The following ZNF202 variants were observed in gnomAD, a reference collection of about 807,000 sequenced individuals.
The protein encoded by ZNF202 is zinc finger protein with KRAB and SCAN domains 10.
ZNF202 carries 22 observed loss-of-function variants against 54.5 expected under a neutral mutation model. The ratio of observed to expected loss-of-function variants is 0.40; its 90% CI spans 0.29 to 0.58. The LOEUF (loss-of-function observed/expected upper bound fraction) is 0.58. Ranked by LOEUF, ZNF202 falls within the 20% of genes least tolerant of loss-of-function variation. ZNF202 has a pLI of 0.39. For missense variants in ZNF202, 644 were observed against 805.5 expected (o/e 0.80, Z 2.43); for synonymous variants, 294 against 301.4 (o/e 0.98, Z 0.26).
chr11:123,738,774 T>C (rs751621769), intron 3 of ZNF202: 3 of 152,260 alleles, frequency 2.0e-5, no homozygotes, highest in Non-Finnish European at 4.4e-5. Flanking sequence ...CCTGTGTGGA[T>C]ACTCCCTGTT....
At chr11:123,727,358 C>A in intron 8 of ZNF202, 118 bp downstream of exon 8, 2 of 1,381,444 alleles carry the variant, frequency 1.4e-6, no homozygotes, top group Non-Finnish European at 2.0e-6. Context: ...AGGGAGAAAG[C>A]AGTACTGGCT....
intron 3 of ZNF202, among the ~76,000 whole-genome samples, chr11:123,735,947 C>G (rs780345449): frequency 5.9e-5 from 9 of 152,102 alleles, no homozygotes; most frequent in Non-Finnish European, 8.8e-5. Context: ...AGAGAGAATA[C>G]AATAGAGAGA....
chr11:123,728,883 AAATAATCCCATTTTGTT>A lies in ZNF202; in HGVS notation c.702+226_702+242del, dbSNP rs1487077740. 3.3e-5 allele frequency among the ~76,000 whole-genome samples: 5 copies of A among 152,318 alleles called. No homozygotes were observed. In the East Asian group the frequency reaches 7.7e-4, roughly 24 times the overall value. On this transcript the variant is annotated intron_variant, in intron 6 of 8. Transcript: ENST00000530393. ...TTCGCAGTTGTACTGGAGTGTTACA[AAATAATCCCATTTTGTT>A]AGTTCTTCTAGTCAATGGCAAATAA...
Position 123,725,202 on chromosome 11 carries a change from A to G in ZNF202, c.*795T>C, listed in dbSNP as rs1171592197. The G allele has an allele frequency of 6.6e-6, 1 of 152,260 alleles. No individual in the cohort carries two copies. The highest frequency in any genetic ancestry group is 1.5e-5 in the Non-Finnish European group (1 of 68,048). 9.4% of individuals were successfully genotyped at this position (152,260 alleles called of 1,614,324 possible). ...AGTAGAAGTGCTAGGGATGCAACCAAGAGACTGGTTGAATAACGGGAAGGT... is the reference window on the plus strand; with the variant it reads ...AGTAGAAGTGCTAGGGATGCAACCAGGAGACTGGTTGAATAACGGGAAGGT... On this transcript the variant is annotated 3_prime_UTR_variant, in exon 9 of 9. Transcript: ENST00000530393.
rs1193835568 is a variant in ZNF202 at position 123,725,023 on chromosome 11, T to G, written c.*974A>C. Reference sequence around the variant, plus strand: ...GTAATTGTTATAGTGCCTTTGTAAGTTGACAGTTTCCAAATCCCCTTACTC... The same window carrying G: ...GTAATTGTTATAGTGCCTTTGTAAGGTGACAGTTTCCAAATCCCCTTACTC... On this transcript the variant is annotated 3_prime_UTR_variant, in exon 9 of 9. Coordinates refer to ENST00000530393, the MANE Select transcript of ZNF202 (RefSeq NM_003455.4). 6.6e-6 allele frequency: 1 copy of G among 152,238 alleles called. No individual in the cohort carries two copies. The highest frequency in any genetic ancestry group is 2.1e-4 in the South Asian group (1 of 4,830). The allele number at this position is 152,238 out of a possible 1,614,324, so 9.4% of individuals were successfully genotyped here.
Position 123,729,229 on chromosome 11 carries a change from A to T in ZNF202, c.614-15T>A. 1 of 1,610,846 alleles carries T rather than the reference A, an allele frequency of 6.2e-7. No individual in the cohort carries two copies. Among genetic ancestry groups the T allele is most frequent in the Non-Finnish European group, 8.5e-7 (1 of 1,179,382 alleles). ...CACTGGGACCTCTATGAAGAAAAGA[A>T]GGCAAAGATCAGTAATATGCAGCAT... On this transcript the variant is annotated splice_polypyrimidine_tract_variant and intron_variant, in intron 5 of 8. Transcript: ENST00000530393.
rs1861064583 is a variant in ZNF202 at position 123,725,006 on chromosome 11, T to C, written c.*991A>G. Reference sequence around the variant, plus strand: ...ATGGCAATCATGATTCTGTAATTGTTATAGTGCCTTTGTAAGTTGACAGTT... The same window carrying C: ...ATGGCAATCATGATTCTGTAATTGTCATAGTGCCTTTGTAAGTTGACAGTT... On this transcript the variant is annotated 3_prime_UTR_variant, in exon 9 of 9. Transcript: ENST00000530393. 6.6e-6 allele frequency: 1 copy of C among 152,232 alleles called. No individual in the cohort carries two copies. The allele number at this position is 152,232 out of a possible 1,614,324, so 9.4% of individuals were successfully genotyped here. A position where few individuals can be genotyped will look rare whatever the true frequency, so the allele number is the denominator to read the frequency against.
At chr11:123,739,101 GCTTT>G (rs529052026) in intron 3 of ZNF202, among the ~76,000 whole-genome samples, 27 of 152,050 alleles carry the variant, frequency 1.8e-4, no homozygotes, top group Non-Finnish European at 2.5e-4. Context: ...TTGAGTTTAA[GCTTT>G]CTATTTCTCC....
Position 123,729,714 on chromosome 11 carries a change from C to T in ZNF202, c.514G>A (p.Glu172Lys), listed in dbSNP as rs148968078. Reference sequence around the variant, plus strand: ...TGTGTGGTTTCCTCAGGAGACTGCTCGGGGGTCGAGCTTTGCACAGGATCC... The same window carrying T: ...TGTGTGGTTTCCTCAGGAGACTGCTTGGGGGTCGAGCTTTGCACAGGATCC... ...LQDPVQSSTPEQSPEETTQSP... is the reference protein window; with the variant it reads ...LQDPVQSSTPKQSPEETTQSP... The change falls in exon 5 of 9, where the codon GAG becomes AAG. Residue 172 changes from glutamate to lysine, a missense_variant. Around this residue, in one of 3 missense-constraint regions of ZNF202, gnomAD observed 536 missense variants for 635.3 expected, o/e 0.84. Coordinates refer to ENST00000530393, the MANE Select transcript of ZNF202 (RefSeq NM_003455.4). The T allele has an allele frequency of 3.9e-5, 63 of 1,613,832 alleles. No homozygotes were observed. Among genetic ancestry groups the T allele is most frequent in the South Asian group, 2.7e-4 (25 of 90,984 alleles).
intron 8 of ZNF202, 114 bp from the exon 9 acceptor site, chr11:123,727,105 G>A: frequency 7.7e-7 from 1 of 1,303,308 alleles, no homozygotes; most frequent in Non-Finnish European, 1.1e-6. Flanking sequence ...TAGAATGCCT[G>A]TCCTGTGCCA....
Position 123,728,222 on chromosome 11 carries a change from T to G in ZNF202, c.743A>C (p.Gln248Pro). 6.2e-7 allele frequency: 1 copy of G among 1,612,978 alleles called. No individual in the cohort carries two copies. Residue 248 changes from glutamine (Q) to proline (P), a missense_variant, in exon 7 of 9, where the codon CAG becomes CCG. Physicochemically the swap from Gln to Pro is moderately conservative, Grantham distance 76 (BLOSUM62 -1). Transcript: ENST00000530393. ...TGGGTCCAGATCACTCCACTGGTCCTGGGAAAAGCATACGGCCACATCCTT... is the reference window on the plus strand; with the variant it reads ...TGGGTCCAGATCACTCCACTGGTCCGGGGAAAAGCATACGGCCACATCCTT... ...TFKDVAVCFSQDQWSDLDPTQ... is the reference protein window; with the variant it reads ...TFKDVAVCFSPDQWSDLDPTQ...
In ZNF202 at chr11:123,726,213, G is replaced by A. The variant is rs373575345; in HGVS notation, c.1731C>T (p.Ser577=). The A allele has an allele frequency of 1.4e-5, 23 of 1,614,088 alleles. No individual in the cohort carries two copies. Among genetic ancestry groups the A allele is most frequent in the Admixed American group, 1.0e-4 (6 of 60,010 alleles). The stretch of plus-strand genomic sequence containing the variant: ...CTCTCAAGTGCTTGGCGAACGCTGC[G>A]CTGTGGGTGAAGCAGCGCCCGCACT... ...CSECGRCFTH[S]AAFAKHLRGH... Residue 577 remains serine (S), a synonymous_variant, in exon 9 of 9, where the codon AGC becomes AGT. Coordinates refer to ENST00000530393, the MANE Select transcript of ZNF202 (RefSeq NM_003455.4). The surrounding 1 kb of genome is among the most constrained non-coding windows in gnomAD (Gnocchi z 6.0).
rs35354577 is a variant in ZNF202, at chr11:123,735,015, GAA to G, written c.-97-4032_-97-4031del. 2.6e-3 allele frequency among the ~76,000 whole-genome samples: 394 copies of G among 149,044 alleles called. 1 individual carries two copies. The highest frequency in any genetic ancestry group is 8.6e-3 in the African/African-American group (352 of 40,742). ...GCAAGTCACACAACACTTGGCATTT[GAA>G]AAAAAAAAAATCATTTTCCATTGAG... On this transcript the variant is annotated intron_variant, in intron 3 of 8. Coordinates refer to ENST00000530393, the MANE Select transcript of ZNF202 (RefSeq NM_003455.4).
At chr11:123,741,445 G>A (rs1861864163) in intron 1 of ZNF202, 104 bp downstream of exon 1, 1 of 152,398 alleles carries the variant, frequency 6.6e-6, no homozygotes, top group African/African-American at 2.4e-5. Flanking sequence ...TGGGGGGCGG[G>A]GTCTCCGGTC....
At position 123,731,042 on chromosome 11, in the gene ZNF202, A is replaced by T. The variant is rs910303480; in HGVS notation, c.-97-57T>A. ...TAAGCATGAAACTATACACAAGGAC[A>T]ACAGCCTGAGTTCAATCATAATCCT... On this transcript the variant is annotated intron_variant, in intron 3 of 8. Transcript: ENST00000530393. The T allele has an allele frequency of 6.1e-6, 5 of 822,418 alleles. No homozygotes were observed. In the Admixed American group the frequency reaches 1.5e-4, roughly 24 times the overall value. 50.9% of individuals were successfully genotyped at this position (822,418 alleles called of 1,614,324 possible).
chr11:123,734,441 C>T (rs1010507406), intron 3 of ZNF202, among the ~76,000 whole-genome samples: 1 of 152,168 alleles, frequency 6.6e-6, no homozygotes, highest in Non-Finnish European at 1.5e-5. Flanking sequence ...CTTTTCTATA[C>T]CCTCCCTGGG....
At chr11:123,735,354 C>T (rs751276288) in intron 3 of ZNF202, among the ~76,000 whole-genome samples, 8 of 152,182 alleles carry the variant, frequency 5.3e-5, no homozygotes, top group Non-Finnish European at 1.2e-4. Context: ...AAGGGCTTTG[C>T]TCTCCAAAGA....
chr11:123,733,555 A>G (rs1189775423), intron 3 of ZNF202, among the ~76,000 whole-genome samples: 1 of 152,030 alleles, frequency 6.6e-6, no homozygotes, highest in Non-Finnish European at 1.5e-5. Flanking sequence ...AATGGTTTCA[A>G]TGATCTTGGA....
At chr11:123,733,214 T>C (rs4935842) in intron 3 of ZNF202, among the ~76,000 whole-genome samples, 78,207 of 152,054 alleles carry the variant, frequency 0.51, 20,697 homozygotes, top group Middle Eastern at 0.72. Flanking sequence ...TCTCATCTAT[T>C]GTTGCCCATC....
Sources: gnomAD v4.1 joint callset for allele counts (sites outside exome capture counted in the v4.1 genomes callset) on GRCh38, gnomAD v4.1.1 for gene constraint, gnomAD v4.1.1 regional missense constraint, Gnocchi (gnomAD v3.1) non-coding constraint, MANE v1.5 for transcripts, NCBI Gene and HGNC (gene_info 2026-07-23, HGNC 2026-07-21) for gene names.